The following CNTNAP4 variants were observed in gnomAD, a reference collection of about 807,000 sequenced individuals.
The protein encoded by CNTNAP4 is contactin-associated protein-like 4.
In CNTNAP4, 98 loss-of-function variants were observed where a neutral mutation model predicts 148.4. That is an observed-to-expected ratio of 0.66 (90% confidence interval 0.56 to 0.78). CNTNAP4 has a LOEUF of 0.78. CNTNAP4 is among the 30% of genes least tolerant of loss of function. The pLI is 0.00. For missense variants in CNTNAP4, 1,935 were observed against 1,565.6 expected (o/e 1.24, Z -3.98); for synonymous variants, 730 against 565.1 (o/e 1.29, Z -4.14).
chr16:76,400,522 G>A (rs1597425205), intron 3 of CNTNAP4, among the ~76,000 whole-genome samples: 1 of 151,972 alleles, frequency 6.6e-6, no homozygotes, highest in African/African-American at 2.4e-5. Flanking sequence ...TTCTTTTGCT[G>A]TGCAAAAGCT....
chr16:76,514,392 T>C (rs1474537554), intron 15 of CNTNAP4, among the ~76,000 whole-genome samples: 1 of 152,242 alleles, frequency 6.6e-6, no homozygotes, highest in African/African-American at 2.4e-5. Context: ...AATACACAAG[T>C]CTATTTCTTT....
At chr16:76,305,125 A>C (rs1351016574) in intron 1 of CNTNAP4, among the ~76,000 whole-genome samples, 2 of 152,192 alleles carry the variant, frequency 1.3e-5, no homozygotes, top group Non-Finnish European at 2.9e-5. Flanking sequence ...TGTAAATTGC[A>C]CGTTTAGTTT....
chr16:76,472,599 T>C (rs957140141), intron 10 of CNTNAP4, among the ~76,000 whole-genome samples: 3 of 152,244 alleles, frequency 2.0e-5, no homozygotes, highest in Admixed American at 2.0e-4. Context: ...TTCTTTTTTA[T>C]GGCTGCATAG....
At chr16:76,330,498 A>T (rs910406178) in intron 2 of CNTNAP4, among the ~76,000 whole-genome samples, 1 of 152,194 alleles carries the variant, frequency 6.6e-6, no homozygotes, top group Non-Finnish European at 1.5e-5. Context: ...ACTGGTGTTT[A>T]TGAATGCACT....
chr16:76,291,033 C>G (rs1006416806), intron 1 of CNTNAP4, among the ~76,000 whole-genome samples: 3 of 152,018 alleles, frequency 2.0e-5, no homozygotes, highest in African/African-American at 7.3e-5. Context: ...GGATTAGGGC[C>G]TCACCCTTAC....
intron 2 of CNTNAP4, among the ~76,000 whole-genome samples, chr16:76,347,810 A>C (rs1003683571): frequency 6.6e-6 from 1 of 152,146 alleles, no homozygotes; most frequent in Non-Finnish European, 1.5e-5. Context: ...ACTGGGAAGA[A>C]GAAAAAGAGA....
intron 15 of CNTNAP4, among the ~76,000 whole-genome samples, chr16:76,513,189 A>G (rs183289034): frequency 6.6e-6 from 1 of 152,304 alleles, no homozygotes; most frequent in Non-Finnish European, 1.5e-5. Flanking sequence ...TGGAGAACAC[A>G]GGTGATGTTG....
chr16:76,434,815 A>C (rs2079756987), intron 4 of CNTNAP4, among the ~76,000 whole-genome samples: 1 of 152,164 alleles, frequency 6.6e-6, no homozygotes, highest in African/African-American at 2.4e-5. Context: ...GCATCCTGGC[A>C]CTGGGGAAAT....
chr16:76,309,816 G>A, intron 1 of CNTNAP4: 3 of 699,900 alleles, frequency 4.3e-6, no homozygotes, highest in Non-Finnish European at 7.8e-6. Context: ...CATGAGATCT[G>A]ATGGGTTGCT....
intron 2 of CNTNAP4, among the ~76,000 whole-genome samples, chr16:76,346,340 C>T (rs1041531959): frequency 1.1e-4 from 15 of 139,048 alleles, no homozygotes; most frequent in African/African-American, 3.8e-4. Flanking sequence ...CTGTTGGGTA[C>T]AGGAGAGTGA....
intron 17 of CNTNAP4, among the ~76,000 whole-genome samples, chr16:76,534,488 G>A (rs1027893194): frequency 2.4e-4 from 37 of 152,084 alleles, no homozygotes; most frequent in Admixed American, 6.6e-5. Flanking sequence ...CAATAGAATT[G>A]CCAGGTTATT....
intron 13 of CNTNAP4, among the ~76,000 whole-genome samples, chr16:76,492,919 C>G (rs553705571): frequency 2.6e-5 from 4 of 151,062 alleles, no homozygotes; most frequent in Non-Finnish European, 5.9e-5. Flanking sequence ...TGAAGGAATC[C>G]CCACCTTTAA....
intron 15 of CNTNAP4, among the ~76,000 whole-genome samples, chr16:76,515,866 C>G (rs546779744): frequency 3.0e-4 from 45 of 152,192 alleles, no homozygotes; most frequent in African/African-American, 1.1e-3. Context: ...CACTCATACA[C>G]TGCTGGTAGG....
chr16:76,556,054 G>T (rs371790945), intron 23 of CNTNAP4, among the ~76,000 whole-genome samples: 1 of 152,142 alleles, frequency 6.6e-6, no homozygotes, highest in African/African-American at 2.4e-5. Context: ...CACCCACTAT[G>T]TAATAATAAT....
At chr16:76,432,799 C>G (rs2079655587) in intron 4 of CNTNAP4, among the ~76,000 whole-genome samples, 1 of 152,110 alleles carries the variant, frequency 6.6e-6, no homozygotes, top group South Asian at 2.1e-4. Context: ...CATTTTGCAG[C>G]CTATGATCAT....
intron 3 of CNTNAP4, among the ~76,000 whole-genome samples, chr16:76,377,018 G>T (rs780599371): frequency 6.6e-6 from 1 of 151,520 alleles, no homozygotes; most frequent in African/African-American, 2.4e-5. Context: ...GAGTTGGCTC[G>T]TGCAATCGAC....
At position 76,317,112 on chromosome 16, in the gene CNTNAP4, A is replaced by AT. The variant is rs928172803; in HGVS notation, c.196+589_196+590insT. Among the ~76,000 whole-genome samples, 75 of 151,292 alleles carry AT rather than the reference A, an allele frequency of 5.0e-4. 1 individual carries two copies. The highest frequency in any genetic ancestry group is 1.2e-4 in the Non-Finnish European group (8 of 67,790). ...AAGACCTTGTCTCTACAAAATAATA[A>AT]AAATAAATTCACCTGTGATGCATGC... is the stretch of plus-strand genomic sequence containing the variant. On this transcript the variant is annotated intron_variant, in intron 2 of 23. Coordinates refer to ENST00000611870, the MANE Select transcript of CNTNAP4 (RefSeq NM_033401.5).
chr16:76,522,359 A>G, intron 17 of CNTNAP4, 102 bp downstream of exon 17: 1 of 953,422 alleles, frequency 1.0e-6, no homozygotes, highest in Non-Finnish European at 1.6e-6. Flanking sequence ...AATAACAACA[A>G]GCAATAATAA....
chr16:76,315,594 G>T (rs1034216669), intron 1 of CNTNAP4, among the ~76,000 whole-genome samples: 2 of 152,040 alleles, frequency 1.3e-5, no homozygotes, highest in African/African-American at 4.8e-5. Context: ...TAGGATCTGT[G>T]CTGTGAAGTC....
Sources: gnomAD v4.1 joint callset for allele counts (sites outside exome capture counted in the v4.1 genomes callset) on GRCh38, gnomAD v4.1.1 for gene constraint, MANE v1.5 for transcripts, NCBI Gene and HGNC (gene_info 2026-07-23, HGNC 2026-07-21) for gene names.